Variants in ABHD17C observed in about 807,000 individuals in gnomAD.
The protein encoded by ABHD17C is alpha/beta hydrolase domain-containing protein 17C.
ABHD17C carries 11 observed loss-of-function variants against 27.9 expected under a neutral mutation model. That is an observed-to-expected ratio of 0.39 (90% CI 0.25 to 0.65). ABHD17C has a LOEUF of 0.65. Ranked by LOEUF, ABHD17C falls within the 30% of genes least tolerant of loss-of-function variation. The pLI is 0.45. For missense variants in ABHD17C, 280 were observed against 470.2 expected, an observed-to-expected ratio of 0.60 and a Z score of 3.74; for synonymous variants, 233 against 209.1, an observed-to-expected ratio of 1.11 and a Z score of -0.98.
intron 1 of ABHD17C, among the ~76,000 whole-genome samples, chr15:80,737,964 GT>G (rs373243880): frequency 3.4e-5 from 5 of 149,156 alleles, no homozygotes; most frequent in East Asian, 2.0e-4. Context: ...AAAAAAGTTT[GT>G]TTTTTTTTTC....
intron 1 of ABHD17C, among the ~76,000 whole-genome samples, chr15:80,710,867 G>A (rs1015552481): frequency 3.3e-5 from 5 of 152,022 alleles, no homozygotes; most frequent in African/African-American, 9.7e-5. Context: ...ATGAGCCACC[G>A]TGCCCAGCAG....
Position 80,754,396 on chromosome 15 carries a change from T to C in ABHD17C, c.*26T>C, listed in dbSNP as rs1331304240. 1.3e-6 allele frequency: 2 copies of C among 1,583,818 alleles called. No homozygotes were observed. Among genetic ancestry groups the C allele is most frequent in the Non-Finnish European group, 1.7e-6 (2 of 1,159,352 alleles). ...AGACAACAACTTGATCTTACCTCATTTACTGTGAACAGAAGAGTCCTCTGT... is the reference window on the plus strand; with the variant it reads ...AGACAACAACTTGATCTTACCTCATCTACTGTGAACAGAAGAGTCCTCTGT... On this transcript the variant is annotated 3_prime_UTR_variant, in exon 3 of 3. Coordinates refer to ENST00000258884, the MANE Select transcript of ABHD17C (RefSeq NM_021214.2).
At chr15:80,700,918 A>G (rs773858532) in intron 1 of ABHD17C, among the ~76,000 whole-genome samples, 23 of 142,880 alleles carry the variant, frequency 1.6e-4, no homozygotes, top group Non-Finnish European at 2.3e-4. Flanking sequence ...AAAACAAACA[A>G]AAAACCCCAA....
intron 1 of ABHD17C, among the ~76,000 whole-genome samples, chr15:80,729,996 A>G (rs1195835056): frequency 2.0e-5 from 3 of 152,078 alleles, no homozygotes; most frequent in Non-Finnish European, 4.4e-5. Flanking sequence ...GTGCGTGCCT[A>G]TAATCCCAGC....
chr15:80,730,487 A>G (rs1212691850), intron 1 of ABHD17C, among the ~76,000 whole-genome samples: 1 of 152,232 alleles, frequency 6.6e-6, no homozygotes, highest in African/African-American at 2.4e-5. Context: ...TTCAGGATGA[A>G]AACGCAGTTC....
intron 1 of ABHD17C, among the ~76,000 whole-genome samples, chr15:80,726,650 C>T (rs1050422151): frequency 2.0e-5 from 3 of 151,464 alleles, no homozygotes; most frequent in African/African-American, 7.3e-5. Flanking sequence ...GTAGCTGGGA[C>T]TACAGGCACC....
At chr15:80,724,195 A>T (rs1894939810) in intron 1 of ABHD17C, among the ~76,000 whole-genome samples, 1 of 152,034 alleles carries the variant, frequency 6.6e-6, no homozygotes, top group Non-Finnish European at 1.5e-5. Context: ...AAAAAAAATT[A>T]GTCAGGTGTG....
chr15:80,713,900 CCACACACACACACACACACACACA>C (rs58311304), intron 1 of ABHD17C, among the ~76,000 whole-genome samples: 6 of 141,048 alleles, frequency 4.3e-5, no homozygotes, highest in African/African-American at 1.3e-4. Flanking sequence ...CATATACAGA[CCACACACACACACACACACACACA>C]CACACACACA....
At chr15:80,696,876 G>C (rs1596056362) in intron 1 of ABHD17C, among the ~76,000 whole-genome samples, 1 of 152,148 alleles carries the variant, frequency 6.6e-6, no homozygotes, top group Non-Finnish European at 1.5e-5. Context: ...TGCAGGTCAG[G>C]TTACCTGTTT....
At chr15:80,720,012 C>CTAG (rs1042221039) in intron 1 of ABHD17C, among the ~76,000 whole-genome samples, 1 of 152,166 alleles carries the variant, frequency 6.6e-6, no homozygotes. Context: ...GTTGGCCCGG[C>CTAG]TAGTCTTGAA....
At chr15:80,734,994 C>T (rs1284855576) in intron 1 of ABHD17C, among the ~76,000 whole-genome samples, 3 of 152,196 alleles carry the variant, frequency 2.0e-5, no homozygotes, top group Non-Finnish European at 2.9e-5. Context: ...CATCATCTCG[C>T]ATGGGACCTG....
chr15:80,744,851 C>T (rs1895261225), intron 1 of ABHD17C, among the ~76,000 whole-genome samples: 1 of 152,168 alleles, frequency 6.6e-6, no homozygotes, highest in Non-Finnish European at 1.5e-5. Context: ...AATTGTGGCC[C>T]TGTTTTTGTA....
At chr15:80,705,368 G>GTGTGTGTGTGTGTGTGTGTGT (rs1555421876) in intron 1 of ABHD17C, among the ~76,000 whole-genome samples, 6 of 4,334 alleles carry the variant, frequency 1.4e-3, no homozygotes, top group South Asian at 5.1e-3. Context: ...TGTGTGTGTG[G>GTGTGTGTGTGTGTGTGTGTGT]TTAGGAGCAT....
At chr15:80,742,127 G>C (rs1473420143) in intron 1 of ABHD17C, among the ~76,000 whole-genome samples, 7 of 152,138 alleles carry the variant, frequency 4.6e-5, no homozygotes, top group Non-Finnish European at 8.8e-5. Flanking sequence ...CTGGTGGGGG[G>C]ACTCTACTGT....
intron 1 of ABHD17C, among the ~76,000 whole-genome samples, chr15:80,718,849 AGAG>A (rs1415791642): frequency 6.6e-6 from 1 of 152,240 alleles, no homozygotes; most frequent in Admixed American, 6.5e-5. Flanking sequence ...AGAGTAAGGT[AGAG>A]GAGAGAGATA....
intron 2 of ABHD17C, among the ~76,000 whole-genome samples, chr15:80,752,008 G>A (rs540985194): frequency 2.4e-4 from 36 of 152,240 alleles, no homozygotes; most frequent in African/African-American, 8.4e-4. Flanking sequence ...TTAAACAAAA[G>A]GAAAAGGAAT....
intron 1 of ABHD17C, among the ~76,000 whole-genome samples, chr15:80,738,431 T>C (rs943618898): frequency 6.6e-6 from 1 of 152,092 alleles, no homozygotes; most frequent in Non-Finnish European, 1.5e-5. Flanking sequence ...GATGGAGATG[T>C]TCATCATTGG....
chr15:80,721,609 A>G (rs1373258956), intron 1 of ABHD17C, among the ~76,000 whole-genome samples: 1 of 152,250 alleles, frequency 6.6e-6, no homozygotes, highest in Non-Finnish European at 1.5e-5. Flanking sequence ...TGTCATCGTC[A>G]TCACAGGCAA....
Position 80,695,366 on chromosome 15 carries a change from C to T in ABHD17C, c.-64C>T, listed in dbSNP as rs963544297. On this transcript the variant is annotated 5_prime_UTR_variant, in exon 1 of 3. Coordinates refer to ENST00000258884, the MANE Select transcript of ABHD17C (RefSeq NM_021214.2). This position sits in a 1 kb window ranked among gnomAD's most constrained non-coding sequence, Gnocchi z 4.3. ...AGCTCCCTCGCCGCGCGTCCGTCCT[C>T]CGTCCTCCCGGGCCAGCCAGCCAGC... 2 of 1,094,628 alleles carry T rather than the reference C, an allele frequency of 1.8e-6. No homozygotes were observed. Among genetic ancestry groups the T allele is most frequent in the African/African-American group, 3.4e-5 (2 of 59,448 alleles). The allele number at this position is 1,094,628 out of a possible 1,614,324, so 67.8% of individuals were successfully genotyped here. A position where few individuals can be genotyped will look rare whatever the true frequency, so the allele number is the denominator to read the frequency against.
Sources: gnomAD v4.1 joint callset for allele counts (sites outside exome capture counted in the v4.1 genomes callset) on GRCh38, gnomAD v4.1.1 for gene constraint, Gnocchi (gnomAD v3.1) non-coding constraint, MANE v1.5 for transcripts, NCBI Gene and HGNC (gene_info 2026-07-23, HGNC 2026-07-21) for gene names.